CCDC169: variants seen among roughly 807,000 people sequenced by gnomAD.
The protein encoded by CCDC169 is coiled-coil domain-containing protein 169.
CCDC169 carries 30 observed loss-of-function variants against 36.0 expected under a neutral mutation model. That is an observed-to-expected ratio of 0.83 (90% CI 0.62 to 1.13). The LOEUF (loss-of-function observed/expected upper bound fraction) is 1.13, where lower values mean the gene tolerates loss of function less well. Among genes scored for constraint, CCDC169 ranks in the 50% most tolerant of loss-of-function variants. The pLI is 0.00. For missense variants in CCDC169, 245 were observed against 245.9 expected (o/e 1.00, Z 0.03); for synonymous variants, 85 against 81.5 (o/e 1.04, Z -0.23).
chr13:36,281,228 T>G (rs766028371), intron 4 of CCDC169: 17 of 445,962 alleles, frequency 3.8e-5, no homozygotes, highest in Non-Finnish European at 6.7e-5. Flanking sequence ...ATACAGCCAC[T>G]GCACCACCCC....
At chr13:36,268,420 T>C (rs943455792) in intron 4 of CCDC169, among the ~76,000 whole-genome samples, 7 of 152,242 alleles carry the variant, frequency 4.6e-5, no homozygotes, top group Non-Finnish European at 8.8e-5. Flanking sequence ...ATTCTTTGAA[T>C]TGAATGATAA....
intron 4 of CCDC169, among the ~76,000 whole-genome samples, chr13:36,271,618 G>A (rs1374907210): frequency 6.6e-6 from 1 of 152,102 alleles, no homozygotes; most frequent in Non-Finnish European, 1.5e-5. Flanking sequence ...TAACTTGGAT[G>A]GAATAGAAGG....
At chr13:36,286,132 T>A (rs1021335301) in intron 2 of CCDC169, among the ~76,000 whole-genome samples, 2 of 152,226 alleles carry the variant, frequency 1.3e-5, no homozygotes, top group East Asian at 1.9e-4. Context: ...CACCTGTGAA[T>A]ACTAGTTGCT....
chr13:36,294,529 A>T (rs2138659827), intron 2 of CCDC169, among the ~76,000 whole-genome samples: 1 of 152,298 alleles, frequency 6.6e-6, no homozygotes, highest in East Asian at 1.9e-4. Flanking sequence ...CCATATGGCC[A>T]CTATTCCTTT....
At chr13:36,244,246 C>A (rs1360174322) in intron 7 of CCDC169, among the ~76,000 whole-genome samples, 1 of 152,182 alleles carries the variant, frequency 6.6e-6, no homozygotes, top group Non-Finnish European at 1.5e-5. Flanking sequence ...AGATATAAAC[C>A]TTTTCCCAAA....
chr13:36,232,095 C>T (rs1423959666), intron 7 of CCDC169, among the ~76,000 whole-genome samples: 1 of 152,166 alleles, frequency 6.6e-6, no homozygotes, highest in East Asian at 1.9e-4. Flanking sequence ...GCTGAAACTT[C>T]GAACACTGAG....
chr13:36,285,606 G>GATAGATAC (rs1555254456), intron 2 of CCDC169, among the ~76,000 whole-genome samples: 2 of 139,998 alleles, frequency 1.4e-5, no homozygotes, highest in African/African-American at 2.6e-5. Context: ...TAGATAGATA[G>GATAGATAC]ATAGATAGAT....
intron 4 of CCDC169, among the ~76,000 whole-genome samples, chr13:36,276,682 T>C (rs933321275): frequency 1.3e-5 from 2 of 151,906 alleles, no homozygotes; most frequent in Admixed American, 1.3e-4. Context: ...AAGAGAAAAA[T>C]AGGGGTCATC....
At chr13:36,285,540 T>C (rs995437792) in intron 2 of CCDC169, among the ~76,000 whole-genome samples, 2 of 149,630 alleles carry the variant, frequency 1.3e-5, no homozygotes, top group Admixed American at 1.3e-4. Context: ...ACATAGCTAG[T>C]CTGCATCTCA....
chr13:36,252,094 T>C (rs1453486919), intron 6 of CCDC169, among the ~76,000 whole-genome samples: 3 of 152,170 alleles, frequency 2.0e-5, no homozygotes, highest in African/African-American at 7.2e-5. Context: ...GGTCTTTTCA[T>C]CATGTCATGG....
chr13:36,268,522 GAA>G (rs1875622171), intron 4 of CCDC169, among the ~76,000 whole-genome samples: 1 of 152,078 alleles, frequency 6.6e-6, no homozygotes, highest in Non-Finnish European at 1.5e-5. Flanking sequence ...CAAAAAAGGT[GAA>G]AGAGTACAAA....
intron 2 of CCDC169, among the ~76,000 whole-genome samples, chr13:36,295,568 G>A (rs1879380931): frequency 6.6e-6 from 1 of 152,088 alleles, no homozygotes; most frequent in African/African-American, 2.4e-5. Flanking sequence ...GAACTTGAAA[G>A]GTAGAAAAAT....
At chr13:36,241,916 CCT>C (rs2138422878) in intron 7 of CCDC169, among the ~76,000 whole-genome samples, 1 of 152,208 alleles carries the variant, frequency 6.6e-6, no homozygotes, top group Non-Finnish European at 1.5e-5. Context: ...CGGACCTCCC[CCT>C]TAGTGTCCTG....
At chr13:36,255,306 T>C (rs923289390) in intron 4 of CCDC169, among the ~76,000 whole-genome samples, 3 of 152,108 alleles carry the variant, frequency 2.0e-5, no homozygotes, top group East Asian at 1.9e-4. Flanking sequence ...GCAGTTCAGA[T>C]AGAGTGGGGA....
At chr13:36,235,001 A>G (rs897919019) in intron 7 of CCDC169, among the ~76,000 whole-genome samples, 3 of 152,122 alleles carry the variant, frequency 2.0e-5, no homozygotes, top group African/African-American at 7.2e-5. Flanking sequence ...TAACTGCATG[A>G]GCAATAATTG....
intron 7 of CCDC169, among the ~76,000 whole-genome samples, chr13:36,237,306 G>A (rs1473278334): frequency 3.3e-5 from 5 of 152,080 alleles, no homozygotes; most frequent in African/African-American, 1.2e-4. Flanking sequence ...GTGTTGATAA[G>A]GATGTGGAGA....
chr13:36,268,055 C>T (rs930669385), intron 4 of CCDC169, among the ~76,000 whole-genome samples: 2 of 152,054 alleles, frequency 1.3e-5, no homozygotes, highest in East Asian at 3.8e-4. Flanking sequence ...ACTGACAGCA[C>T]TAGACAGATC....
chr13:36,281,441 T>C (rs1319851970), intron 4 of CCDC169, among the ~76,000 whole-genome samples: 2 of 151,858 alleles, frequency 1.3e-5, no homozygotes. Context: ...AGGAGAAAAG[T>C]GAACCTCAAG....
At chr13:36,259,238 G>A (rs1183236134) in intron 4 of CCDC169, among the ~76,000 whole-genome samples, 1 of 152,098 alleles carries the variant, frequency 6.6e-6, no homozygotes, top group Non-Finnish European at 1.5e-5. Flanking sequence ...TGAGTCAATT[G>A]GTCCCTGTCT....
Sources: gnomAD v4.1 joint callset for allele counts (sites outside exome capture counted in the v4.1 genomes callset) on GRCh38, gnomAD v4.1.1 for gene constraint, MANE v1.5 for transcripts, NCBI Gene and HGNC (gene_info 2026-07-23, HGNC 2026-07-21) for gene names.